The following TENM2 variants were observed in gnomAD, a reference collection of about 807,000 sequenced individuals.
TENM2 encodes teneurin transmembrane protein 2.
A neutral mutation model predicts 245.2 loss-of-function variants in TENM2; 52 were observed. That is an observed-to-expected ratio of 0.21 (90% CI 0.17 to 0.27). TENM2 has a LOEUF of 0.27. Among genes scored for constraint, TENM2 ranks in the 10% least tolerant of loss-of-function variants. TENM2 has a pLI of 1.00. For missense variants in TENM2, 3,046 were observed against 3,666.8 expected (o/e 0.83, Z 4.37); for synonymous variants, 1,363 against 1,438.9 (o/e 0.95, Z 1.19).
intron 3 of TENM2, among the ~76,000 whole-genome samples, chr5:167,890,430 G>A (rs2151457863): frequency 6.6e-6 from 1 of 152,242 alleles, no homozygotes; most frequent in South Asian, 2.1e-4. Context: ...CAAGGAACAA[G>A]ATCATGTCCT....
At chr5:167,524,068 G>C (rs1035262101) in intron 2 of TENM2, among the ~76,000 whole-genome samples, 4 of 152,152 alleles carry the variant, frequency 2.6e-5, no homozygotes, top group African/African-American at 9.7e-5. Flanking sequence ...GGTAAAGAAA[G>C]CAAGGCCATT....
chr5:167,255,899 T>G, the TENM2 span, among the ~76,000 whole-genome samples: 1 of 152,160 alleles, frequency 6.6e-6, no homozygotes, highest in Non-Finnish European at 1.5e-5. Context: ...TTGAAACACA[T>G]GCTACCAATT....
intron 2 of TENM2, among the ~76,000 whole-genome samples, chr5:167,468,951 A>T (rs1478506167): frequency 2.0e-5 from 3 of 152,208 alleles, no homozygotes; most frequent in Non-Finnish European, 4.4e-5. Flanking sequence ...TGTTCAAATG[A>T]TGCCACTTGT....
intron 2 of TENM2, among the ~76,000 whole-genome samples, chr5:167,535,887 A>C (rs933433310): frequency 6.6e-6 from 1 of 152,222 alleles, no homozygotes; most frequent in African/African-American, 2.4e-5. Context: ...AAGAAATCAG[A>C]GTGGTTCATA....
intron 1 of TENM2, among the ~76,000 whole-genome samples, chr5:167,326,701 A>AT (rs1757104051): frequency 6.5e-5 from 7 of 108,280 alleles, no homozygotes; most frequent in African/African-American, 2.3e-4. Flanking sequence ...AATAATAAAT[A>AT]AATATATATA....
chr5:167,748,976 G>T (rs1009666253), intron 2 of TENM2, among the ~76,000 whole-genome samples: 11 of 151,930 alleles, frequency 7.2e-5, no homozygotes, highest in African/African-American at 2.7e-4. Flanking sequence ...CAAATCCTTG[G>T]TCTCAAGCCA....
At chr5:167,354,839 A>G (rs2127238224) in intron 1 of TENM2, among the ~76,000 whole-genome samples, 1 of 152,336 alleles carries the variant, frequency 6.6e-6, no homozygotes, top group Non-Finnish European at 1.5e-5. Flanking sequence ...TGTTGAATGA[A>G]GAAATGAATG....
Position 168,107,024 on chromosome 5 carries a change from C to G in TENM2, c.1813+8897C>G, listed in dbSNP as rs557243401. Among the ~76,000 whole-genome samples the G allele has an allele frequency of 1.2e-4, 18 of 152,230 alleles. No homozygotes were observed. In the East Asian group the frequency reaches 2.9e-3, roughly 25 times the overall value. Reference sequence around the variant, plus strand: ...GCAATGAGCAGAGATTTTGCCACTGCACTCCAGCCTGTGCAGTGGTGAGAG... The same window carrying G: ...GCAATGAGCAGAGATTTTGCCACTGGACTCCAGCCTGTGCAGTGGTGAGAG... On this transcript the variant is annotated intron_variant, in intron 9 of 28. Coordinates refer to ENST00000518659, the Ensembl canonical transcript of TENM2.
chr5:167,928,739 C>CA (rs1404610168), intron 3 of TENM2, among the ~76,000 whole-genome samples: 2 of 150,718 alleles, frequency 1.3e-5, no homozygotes, highest in African/African-American at 2.4e-5. Flanking sequence ...ACTAAAAATA[C>CA]AAAAAAATTA....
At chr5:167,886,734 G>A (rs1257777787) in intron 3 of TENM2, among the ~76,000 whole-genome samples, 1 of 152,118 alleles carries the variant, frequency 6.6e-6, no homozygotes, top group East Asian at 1.9e-4. Flanking sequence ...TTCTTCTGAT[G>A]AAAAGAAAAC....
intron 19 of TENM2, among the ~76,000 whole-genome samples, chr5:168,206,181 TTGAGAGTC>T (rs952530938): frequency 2.6e-5 from 4 of 152,184 alleles, no homozygotes; most frequent in African/African-American, 9.6e-5. Context: ...GCACTTGCAT[TTGAGAGTC>T]TCTGAGGCCC....
chr5:167,508,117 T>A (rs1293137338), intron 2 of TENM2, among the ~76,000 whole-genome samples: 1 of 152,172 alleles, frequency 6.6e-6, no homozygotes, highest in African/African-American at 2.4e-5. Context: ...GCCAGTTTGT[T>A]ACACGTCCCT....
chr5:167,613,864 T>G (rs1669690671), intron 2 of TENM2, among the ~76,000 whole-genome samples: 1 of 152,078 alleles, frequency 6.6e-6, no homozygotes, highest in Non-Finnish European at 1.5e-5. Flanking sequence ...TGGAAGAAAT[T>G]TTATGTAGAA....
intron 27 of TENM2, among the ~76,000 whole-genome samples, chr5:168,253,836 C>T (rs1000255468): frequency 1.3e-5 from 2 of 152,184 alleles, no homozygotes; most frequent in African/African-American, 2.4e-5. Context: ...AACGGTCTCC[C>T]GATCCACCTT....
At chr5:167,065,587 G>A in the TENM2 span, among the ~76,000 whole-genome samples, 4 of 152,294 alleles carry the variant, frequency 2.6e-5, no homozygotes, top group African/African-American at 7.2e-5. Flanking sequence ...ATACAAAGTC[G>A]TTATTTTCAG....
chr5:168,098,022 T>G lies in TENM2; in HGVS notation c.1712-4T>G, dbSNP rs1255959010. 1 of 1,608,646 alleles carries G rather than the reference T, an allele frequency of 6.2e-7. No individual in the cohort carries two copies. The highest frequency in any genetic ancestry group is 1.1e-5 in the South Asian group (1 of 90,576). On this transcript the variant is annotated splice_region_variant and splice_polypyrimidine_tract_variant and intron_variant, in intron 8 of 28. Coordinates refer to ENST00000518659, the Ensembl canonical transcript of TENM2. ...GGTAAACACTACATTTATCTCTTTT[T>G]CAGATTCAGTGCAGGACTGTCCACG...
chr5:168,238,830 T>C (rs533808485), intron 25 of TENM2, among the ~76,000 whole-genome samples: 2 of 152,310 alleles, frequency 1.3e-5, no homozygotes, highest in East Asian at 3.9e-4. Flanking sequence ...CTGAGTTTTA[T>C]TAACTGGGGA....
chr5:167,180,956 A>AG, the TENM2 span, among the ~76,000 whole-genome samples: 1 of 149,656 alleles, frequency 6.7e-6, no homozygotes, highest in Non-Finnish European at 1.5e-5. Context: ...GAAAAAAAAA[A>AG]CAAAAAACAA....
chr5:166,986,805 C>A, the TENM2 span, among the ~76,000 whole-genome samples: 1 of 152,174 alleles, frequency 6.6e-6, no homozygotes, highest in Non-Finnish European at 1.5e-5. Context: ...AGTTCAAGCA[C>A]TGTAGATTAT....
Sources: allele counts gnomAD v4.1 joint callset (sites outside exome capture counted in the v4.1 genomes callset), GRCh38; gene constraint gnomAD v4.1.1; transcripts MANE v1.5; gene names NCBI Gene and HGNC (gene_info 2026-07-23, HGNC 2026-07-21).